The following IQCB1 variants were observed in gnomAD, a reference collection of about 807,000 sequenced individuals.
The protein encoded by IQCB1 is IQ calmodulin-binding motif-containing protein 1.
A neutral mutation model predicts 84.4 loss-of-function variants in IQCB1; 56 were observed. The observed-to-expected ratio is 0.66, with a 90% confidence interval of 0.54 to 0.83. The LOEUF (loss-of-function observed/expected upper bound fraction) is 0.83. IQCB1 is among the 40% of genes least tolerant of loss of function. The pLI, the probability that IQCB1 is intolerant of heterozygous loss-of-function variation, is 0.00. For synonymous variants in IQCB1, 210 were observed against 234.8 expected (o/e 0.89, Z 0.96); for missense variants, 629 against 682.1 (o/e 0.92, Z 0.87).
chr3:121,812,383 T>C (rs1949864236), intron 5 of IQCB1, among the ~76,000 whole-genome samples: 1 of 151,642 alleles, frequency 6.6e-6, no homozygotes, highest in South Asian at 2.1e-4. Context: ...ATGATCGCGA[T>C]TCCTCCCCAG....
chr3:121,802,085 GTAGTTTTC>G (rs568023110), intron 7 of IQCB1, among the ~76,000 whole-genome samples: 89 of 151,956 alleles, frequency 5.9e-4, no homozygotes, highest in Non-Finnish European at 7.8e-4. Flanking sequence ...ATACTGATGA[GTAGTTTTC>G]TTTTCTTATA....
At chr3:121,799,462 G>A in intron 7 of IQCB1, 88 bp from the exon 8 acceptor site, 2 of 814,016 alleles carry the variant, frequency 2.5e-6, no homozygotes, top group Non-Finnish European at 4.0e-6. Flanking sequence ...TCAGTAACTT[G>A]ATGCCGGACT....
chr3:121,827,684 CAAGTAACA>C, intron 4 of IQCB1, among the ~76,000 whole-genome samples: 1 of 152,124 alleles, frequency 6.6e-6, no homozygotes, highest in Non-Finnish European at 1.5e-5. Context: ...TGGCCTTTAC[CAAGTAACA>C]CAGTAGGATT....
In IQCB1 at chr3:121,772,688, C is replaced by T. The variant is rs1948051470; in HGVS notation, c.1436G>A (p.Ser479Asn). Residue 479 changes from serine to asparagine, a missense_variant, in exon 14 of 15, where the codon AGT (serine) becomes AAT (asparagine). By Grantham distance (46) the Ser-to-Asn change is conservative. Transcript: ENST00000310864. ...HLGSPMSDVV[S>N]RELHAQAQER... ...TTGAGCTTGGGCATGGAGCTCCCTA[C>T]TGACCACATCTGACATTGGAGAGCC... The T allele has an allele frequency of 6.2e-7, 1 of 1,614,036 alleles. No homozygotes were observed. Among genetic ancestry groups the T allele is most frequent in the Non-Finnish European group, 8.5e-7 (1 of 1,180,028 alleles).
intron 5 of IQCB1, among the ~76,000 whole-genome samples, chr3:121,816,240 C>A (rs1352100936): frequency 6.6e-6 from 1 of 152,102 alleles, no homozygotes; most frequent in African/African-American, 2.4e-5. Context: ...AAACTGGACC[C>A]CTTCCTTACA....
At chr3:121,808,872 G>T in intron 6 of IQCB1, 44 bp downstream of exon 6, 2 of 1,156,282 alleles carry the variant, frequency 1.7e-6, no homozygotes, top group South Asian at 2.5e-5. Flanking sequence ...GTTAGCAGTT[G>T]ACTCTACAAT....
chr3:121,771,176 T>C (rs1045646981), intron 14 of IQCB1, among the ~76,000 whole-genome samples: 1 of 151,782 alleles, frequency 6.6e-6, no homozygotes, highest in Non-Finnish European at 1.5e-5. Flanking sequence ...TTCACCATGT[T>C]GGTCAGGCTG....
intron 1 of IQCB1, 27 bp downstream of exon 1, chr3:121,834,938 TC>T (rs1263921846): frequency 2.8e-5 from 10 of 358,354 alleles, no homozygotes; most frequent in African/African-American, 2.1e-4. Flanking sequence ...GCCCTCTCCC[TC>T]CCCAGCCACC....
intron 13 of IQCB1, among the ~76,000 whole-genome samples, chr3:121,778,958 CTT>C (rs1948361043): frequency 6.6e-6 from 1 of 151,326 alleles, no homozygotes; most frequent in South Asian, 2.1e-4. Context: ...GCAATGTAAT[CTT>C]TGTCTTTACG....
chr3:121,819,921 G>A (rs974559099), intron 5 of IQCB1, among the ~76,000 whole-genome samples: 3 of 152,018 alleles, frequency 2.0e-5, no homozygotes, highest in African/African-American at 7.2e-5. Context: ...TTTGAAATCT[G>A]GTGAATATTT....
intron 8 of IQCB1, among the ~76,000 whole-genome samples, chr3:121,797,793 CA>C (rs1949261144): frequency 2.0e-5 from 3 of 151,786 alleles, no homozygotes; most frequent in Non-Finnish European, 4.4e-5. Flanking sequence ...ATTTTCATGC[CA>C]AAATAATACA....
chr3:121,778,683 A>G (rs1186889445), intron 13 of IQCB1, among the ~76,000 whole-genome samples: 1 of 152,034 alleles, frequency 6.6e-6, no homozygotes, highest in African/African-American at 2.4e-5. Context: ...AGATGGGTGG[A>G]TCACCTGGGG....
At position 121,790,087 on chromosome 3, in the gene IQCB1, T is replaced by C; in HGVS notation, c.1115A>G (p.Glu372Gly). The C allele has an allele frequency of 6.2e-7, 1 of 1,613,662 alleles. No individual in the cohort carries two copies. Among genetic ancestry groups the C allele is most frequent in the Non-Finnish European group, 8.5e-7 (1 of 1,179,596 alleles). The change falls in exon 11 of 15, where the codon GAA (glutamate) becomes GGA (glycine). Residue 372 changes from glutamate (E) to glycine (G), a missense_variant. Glu to Gly is a moderately conservative substitution (Grantham distance 98). Transcript: ENST00000310864. ...LSRELQLSML[E>G]IVHPGQVEKH... ...CTGCCACTCACCTGGATGAACTATT[T>C]CGAGCATACTCAGCTGCAATTCTCG...
intron 5 of IQCB1, among the ~76,000 whole-genome samples, chr3:121,825,378 T>C (rs1031885320): frequency 6.6e-6 from 1 of 152,122 alleles, no homozygotes; most frequent in Non-Finnish European, 1.5e-5. Context: ...TTTCTTTTAA[T>C]GAACATTCAC....
chr3:121,784,460 G>C (rs1378378075), intron 12 of IQCB1, among the ~76,000 whole-genome samples: 1 of 151,676 alleles, frequency 6.6e-6, no homozygotes, highest in Non-Finnish European at 1.5e-5. Context: ...ACGGTATCTT[G>C]GTTTTGTTTC....
At chr3:121,799,141 T>C (rs1949309470) in intron 8 of IQCB1, 55 bp downstream of exon 8, 1 of 1,349,770 alleles carries the variant, frequency 7.4e-7, no homozygotes, top group African/African-American at 1.4e-5. Flanking sequence ...TCATAAACCA[T>C]CAATAAAAAT....
intron 5 of IQCB1, among the ~76,000 whole-genome samples, chr3:121,824,204 T>C (rs1270559532): frequency 6.6e-6 from 1 of 152,090 alleles, no homozygotes; most frequent in Admixed American, 6.5e-5. Context: ...TGCCTGAAGG[T>C]GTGGATAGTA....
At chr3:121,797,733 G>A (rs1350812863) in intron 8 of IQCB1, among the ~76,000 whole-genome samples, 7 of 151,930 alleles carry the variant, frequency 4.6e-5, no homozygotes, top group Admixed American at 4.6e-4. Context: ...CAAATCAATA[G>A]GTTCCTGGGA....
At chr3:121,792,653 C>T (rs1949038216) in intron 10 of IQCB1, among the ~76,000 whole-genome samples, 1 of 102,128 alleles carries the variant, frequency 9.8e-6, no homozygotes, top group South Asian at 3.7e-4. Context: ...CAGAGCAAGA[C>T]TCCGTCTCAA....
Sources: allele counts gnomAD v4.1 joint callset (sites outside exome capture counted in the v4.1 genomes callset), GRCh38; gene constraint gnomAD v4.1.1; transcripts MANE v1.5; gene names NCBI Gene and HGNC (gene_info 2026-07-23, HGNC 2026-07-21).